Variants in APOLD1 observed in about 807,000 individuals in gnomAD.
APOLD1 encodes the protein apolipoprotein L domain containing 1.
APOLD1 carries 22 observed loss-of-function variants against 15.3 expected under a neutral mutation model. The observed-to-expected ratio is 1.44, with a 90% confidence interval of 1.03 to 2.05. The LOEUF is 2.05. APOLD1 is among the 30% of genes most tolerant of loss of function. The pLI is 0.00. For missense variants in APOLD1, 394 were observed against 353.5 expected, an observed-to-expected ratio of 1.11 and a Z score of -0.92; for synonymous variants, 190 against 167.4, an observed-to-expected ratio of 1.13 and a Z score of -1.04.
At chr12:12,783,632 T>G (rs1035719206), upstream of APOLD1, among the ~76,000 whole-genome samples, 2 of 77,104 alleles carry the variant, frequency 2.6e-5, no homozygotes, top group South Asian at 5.6e-4. Context: ...TTTTTTTTGT[T>G]TTTTTTTTTT....
chr12:12,732,193 T>C (rs536741280), intron 1 of APOLD1, among the ~76,000 whole-genome samples: 1 of 152,142 alleles, frequency 6.6e-6, no homozygotes. Context: ...ATTGTCTAAT[T>C]AGTAGAGAGA....
At chr12:12,773,490 A>G (rs1308754351) in intron 1 of APOLD1, among the ~76,000 whole-genome samples, 4 of 152,216 alleles carry the variant, frequency 2.6e-5, no homozygotes, top group Non-Finnish European at 5.9e-5. Flanking sequence ...TGAACCCAAG[A>G]GTTTGAGGTT....
upstream of APOLD1, among the ~76,000 whole-genome samples, chr12:12,783,732 C>T (rs974985668): frequency 1.3e-5 from 2 of 150,948 alleles, no homozygotes; most frequent in Non-Finnish European, 2.9e-5. Flanking sequence ...CTCCTGGGTG[C>T]AAGTGATCCT....
At chr12:12,758,476 C>T (rs1383575903) in intron 1 of APOLD1, among the ~76,000 whole-genome samples, 15 of 151,928 alleles carry the variant, frequency 9.9e-5, no homozygotes, top group Middle Eastern at 3.2e-3. Context: ...ACCTGGGAGG[C>T]GGAGGTTGCA....
At chr12:12,778,030 T>A (rs1038479069) in intron 1 of APOLD1, among the ~76,000 whole-genome samples, 23 of 150,940 alleles carry the variant, frequency 1.5e-4, no homozygotes, top group African/African-American at 5.1e-4. Context: ...GCTGAAGCGA[T>A]CCTCCCACCT....
At chr12:12,778,041 C>G (rs1947051330) in intron 1 of APOLD1, among the ~76,000 whole-genome samples, 1 of 151,868 alleles carries the variant, frequency 6.6e-6, no homozygotes, top group Non-Finnish European at 1.5e-5. Flanking sequence ...CCTCCCACCT[C>G]AGGCTCCTGA....
In APOLD1 at chr12:12,788,051, A is replaced by G; in HGVS notation, c.*399A>G. ...CCTCTCCAAGTCCTACTAGTCTTTG[A>G]AGTCCTCAAAATGTGCGTGAGGAAG... On this transcript the variant is annotated 3_prime_UTR_variant, in exon 2 of 2. Transcript: ENST00000356591. 1 of 174,270 alleles carries G rather than the reference A, an allele frequency of 5.7e-6. No homozygotes were observed. 10.8% of individuals were successfully genotyped at this position (174,270 alleles called of 1,614,324 possible). A position where few individuals can be genotyped will look rare whatever the true frequency, so the allele number is the denominator to read the frequency against.
chr12:12,752,613 TAA>T, intron 1 of APOLD1, among the ~76,000 whole-genome samples: 1 of 149,986 alleles, frequency 6.7e-6, no homozygotes, highest in Middle Eastern at 3.4e-3. Context: ...GGAGAAAATT[TAA>T]AAAAAAAATC....
At chr12:12,785,534 C>A (rs1015124356), upstream of APOLD1, 7 of 1,265,504 alleles carry the variant, frequency 5.5e-6, no homozygotes, top group Admixed American at 1.3e-4. Context: ...CATGTCACGT[C>A]CTTCTAGATG....
chr12:12,757,359 C>T (rs540294730), intron 1 of APOLD1, among the ~76,000 whole-genome samples: 1 of 152,292 alleles, frequency 6.6e-6, no homozygotes, highest in African/African-American at 2.4e-5. Flanking sequence ...CATCTCATTC[C>T]ACAATGTTCA....
intron 1 of APOLD1, among the ~76,000 whole-genome samples, chr12:12,775,682 GA>G (rs1041993941): frequency 6.6e-6 from 1 of 152,156 alleles, no homozygotes; most frequent in Non-Finnish European, 1.5e-5. Context: ...AAATAGAGTT[GA>G]AAACTCACCA....
chr12:12,755,326 CAAAA>C (rs200635120), intron 1 of APOLD1, among the ~76,000 whole-genome samples: 1 of 147,274 alleles, frequency 6.8e-6, no homozygotes, highest in African/African-American at 2.5e-5. Context: ...CAATTTTTAG[CAAAA>C]AAAAAGGATA....
intron 1 of APOLD1, among the ~76,000 whole-genome samples, chr12:12,779,684 G>C (rs770828433): frequency 2.0e-5 from 3 of 152,190 alleles, no homozygotes; most frequent in Non-Finnish European, 4.4e-5. Flanking sequence ...AGCAATCCAA[G>C]TGTCTAACAG....
chr12:12,754,219 A>AAAAAAAAAAG, intron 1 of APOLD1, among the ~76,000 whole-genome samples: 1 of 150,094 alleles, frequency 6.7e-6, no homozygotes, highest in Non-Finnish European at 1.5e-5. Flanking sequence ...AAAAGGAAAA[A>AAAAAAAAAAG]GAAAAAAAGA....
intron 1 of APOLD1, among the ~76,000 whole-genome samples, chr12:12,753,999 G>A (rs1317272480): frequency 6.6e-6 from 1 of 151,730 alleles, no homozygotes; most frequent in Non-Finnish European, 1.5e-5. Context: ...CGGATCACCT[G>A]AGGTCAGGAG....
chr12:12,770,194 A>G (rs990280408), intron 1 of APOLD1, among the ~76,000 whole-genome samples: 1 of 152,098 alleles, frequency 6.6e-6, no homozygotes, highest in Non-Finnish European at 1.5e-5. Flanking sequence ...CAGATCACGA[A>G]GTCAGTTCAA....
intron 1 of APOLD1, among the ~76,000 whole-genome samples, chr12:12,741,549 A>G (rs1489302642): frequency 6.6e-6 from 1 of 152,178 alleles, no homozygotes; most frequent in Non-Finnish European, 1.5e-5. Flanking sequence ...GATTGTCTAC[A>G]GTTTATAGTG....
intron 1 of APOLD1, among the ~76,000 whole-genome samples, chr12:12,769,471 G>A (rs752169526): frequency 2.0e-5 from 3 of 152,152 alleles, no homozygotes; most frequent in Admixed American, 6.6e-5. Flanking sequence ...TGGAGGCTTG[G>A]TGTGGACAAG....
At chr12:12,779,389 G>A (rs962817762) in intron 1 of APOLD1, among the ~76,000 whole-genome samples, 4 of 152,180 alleles carry the variant, frequency 2.6e-5, no homozygotes, top group African/African-American at 4.8e-5. Context: ...CTGGCACACA[G>A]TAGGTGTTCA....
Sources: gnomAD v4.1 joint callset for allele counts (sites outside exome capture counted in the v4.1 genomes callset) on GRCh38, gnomAD v4.1.1 for gene constraint, MANE v1.5 for transcripts, NCBI Gene and HGNC (gene_info 2026-07-23, HGNC 2026-07-21) for gene names.